Variants in CHD1 observed in about 807,000 individuals in gnomAD.
The protein encoded by CHD1 is chromodomain helicase DNA binding protein 1.
CHD1 carries 36 observed loss-of-function variants against 224.2 expected under a neutral mutation model. The ratio of observed to expected loss-of-function variants is 0.16; its 90% confidence interval spans 0.12 to 0.21. CHD1 has a LOEUF of 0.21. Ranked by LOEUF, CHD1 falls within the 10% of genes least tolerant of loss-of-function variation. The pLI, the probability that CHD1 is intolerant of heterozygous loss-of-function variation, is 1.00. For synonymous variants in CHD1, 668 were observed against 658.3 expected (o/e 1.01, Z -0.23); for missense variants, 1,378 against 1,994.8 (o/e 0.69, Z 5.89).
At chr5:98,877,673 CTT>C (rs1264784089) in intron 23 of CHD1, among the ~76,000 whole-genome samples, 1 of 151,904 alleles carries the variant, frequency 6.6e-6, no homozygotes, top group Non-Finnish European at 1.5e-5. Context: ...GTATTTAGAC[CTT>C]TTTTTTCTAA....
Position 98,856,637 on chromosome 5 carries a change from T to C in CHD1, c.4876A>G (p.Arg1626Gly). 6.2e-7 allele frequency: 1 copy of C among 1,613,794 alleles called. No homozygotes were observed. The highest frequency in any genetic ancestry group is 8.5e-7 in the Non-Finnish European group (1 of 1,179,744). Residue 1626 changes from arginine to glycine, a missense_variant, in exon 36 of 36, where the codon AGA becomes GGA. Arg to Gly is a moderately radical substitution (Grantham distance 125, BLOSUM62 -2). This residue lies in a region of CHD1 where 278 missense variants were observed against 298.5 expected (regional missense o/e 0.93). Coordinates refer to ENST00000614616, the MANE Select transcript of CHD1 (RefSeq NM_001270.4). ...TGAGAACGATGATCAGAATGAGATC[T>C]ATCTTTTAAACTTCCTTCCAAATTT... ...RSNLEGSLKD[R>G]SHSDHRSHSD...
At chr5:98,911,579 G>A (rs889352626) in intron 2 of CHD1, among the ~76,000 whole-genome samples, 3 of 152,046 alleles carry the variant, frequency 2.0e-5, no homozygotes, top group African/African-American at 7.2e-5. Flanking sequence ...TGGAGAAACC[G>A]GACACCATGT....
In CHD1 at chr5:98,855,047, T is replaced by C. The variant is rs1333671009; in HGVS notation, c.*1333A>G. 6.6e-6 allele frequency: 1 copy of C among 152,234 alleles called. No individual in the cohort carries two copies. Among genetic ancestry groups the C allele is most frequent in the Non-Finnish European group, 1.5e-5 (1 of 68,078 alleles). 9.4% of individuals were successfully genotyped at this position (152,234 alleles called of 1,614,324 possible). A position where few individuals can be genotyped will look rare whatever the true frequency, so the allele number is the denominator to read the frequency against. On this transcript the variant is annotated 3_prime_UTR_variant, in exon 36 of 36. Coordinates refer to ENST00000614616, the MANE Select transcript of CHD1 (RefSeq NM_001270.4). ...ATATTCATAGTCTCCAAAACAGATT[T>C]AGTTGTAATGCTACACATTACAAAT... is the stretch of plus-strand genomic sequence containing the variant.
intron 22 of CHD1, among the ~76,000 whole-genome samples, 170 bp from the exon 23 acceptor site, chr5:98,879,898 G>A (rs1736705915): frequency 6.6e-6 from 1 of 152,094 alleles, no homozygotes; most frequent in African/African-American, 2.4e-5. Context: ...GGGCAAAGCA[G>A]ATCAAACCAA....
chr5:98,896,739 G>A (rs1170834682), intron 11 of CHD1, among the ~76,000 whole-genome samples: 2 of 151,250 alleles, frequency 1.3e-5, no homozygotes, highest in African/African-American at 4.9e-5. Context: ...TCTACTAGTA[G>A]TAGAGTCCAG....
Position 98,881,914 on chromosome 5 carries a change from A to C in CHD1, c.2867+61T>G, listed in dbSNP as rs950988911. On this transcript the variant is annotated intron_variant, in intron 20 of 35. Transcript: ENST00000614616. ...CCTCAATGATCTACAGTGATGTAAC[A>C]TATCAAAAATATGAGTTTACTGACT... 51 of 1,394,802 alleles carry C rather than the reference A, an allele frequency of 3.7e-5. 1 individual carries two copies. The highest frequency in any genetic ancestry group is 3.7e-5 in the Non-Finnish European group (37 of 994,852). The allele number at this position is 1,394,802 out of a possible 1,614,324, so 86.4% of individuals were successfully genotyped here.
chr5:98,865,206 C>T (rs1420041524), intron 31 of CHD1, among the ~76,000 whole-genome samples: 1 of 152,166 alleles, frequency 6.6e-6, no homozygotes, highest in African/African-American at 2.4e-5. Flanking sequence ...AGTCCTAAAA[C>T]TTGTTTGACA....
At chr5:98,907,290 A>T (rs1321370215) in intron 2 of CHD1, among the ~76,000 whole-genome samples, 1 of 152,218 alleles carries the variant, frequency 6.6e-6, no homozygotes, top group Non-Finnish European at 1.5e-5. Flanking sequence ...TTAGTACGAT[A>T]AAGAATATGC....
At chr5:98,888,452 T>C (rs1163034803) in intron 16 of CHD1, among the ~76,000 whole-genome samples, 4 of 152,244 alleles carry the variant, frequency 2.6e-5, no homozygotes, top group Non-Finnish European at 4.4e-5. Flanking sequence ...ACCTAGGTTT[T>C]GTTATACTAT....
At position 98,868,564 on chromosome 5, in the gene CHD1, G is replaced by A; in HGVS notation, c.4179C>T (p.Ile1393=). The A allele has an allele frequency of 6.2e-7, 1 of 1,612,436 alleles. No individual in the cohort carries two copies. The highest frequency in any genetic ancestry group is 8.5e-7 in the Non-Finnish European group (1 of 1,179,556). ...TGGGAACTGGTTCACCACTTGCCGTGATATGAACTGGAGCATCTGACACTG... is the reference window on the plus strand; with the variant it reads ...TGGGAACTGGTTCACCACTTGCCGTAATATGAACTGGAGCATCTGACACTG... ...KSSVSDAPVH[I]TASGEPVPIS... is the part of the protein sequence containing the mutation. Residue 1393 remains isoleucine, a synonymous_variant, in exon 31 of 36, where the codon ATC becomes ATT. Coordinates refer to ENST00000614616, the MANE Select transcript of CHD1 (RefSeq NM_001270.4).
At position 98,855,664 on chromosome 5, in the gene CHD1, ACT is replaced by A; in HGVS notation, c.*714_*715del. 6.6e-6 allele frequency: 1 copy of A among 151,700 alleles called. No individual in the cohort carries two copies. The highest frequency in any genetic ancestry group is 1.9e-4 in the East Asian group (1 of 5,184). 9.4% of individuals were successfully genotyped at this position (151,700 alleles called of 1,614,324 possible). On this transcript the variant is annotated 3_prime_UTR_variant, in exon 36 of 36. Transcript: ENST00000614616. Reference sequence around the variant, plus strand: ...ACAAATCATTAAAAAGTGTTATTACACTGATTTTTTTTTTTTTAATAAGAAGG... The same window carrying A: ...ACAAATCATTAAAAAGTGTTATTACAGATTTTTTTTTTTTTAATAAGAAGG...
At chr5:98,918,874 T>G (rs1180072322) in intron 2 of CHD1, among the ~76,000 whole-genome samples, 2 of 152,146 alleles carry the variant, frequency 1.3e-5, no homozygotes, top group East Asian at 1.9e-4. Context: ...AGTTAAAGCA[T>G]GCTATGAAAA....
intron 18 of CHD1, 24 bp downstream of exon 18, chr5:98,885,554 A>G: frequency 7.1e-7 from 1 of 1,409,730 alleles, no homozygotes; most frequent in Non-Finnish European, 9.9e-7. Context: ...AATTATTTAT[A>G]ATTTTAAAAG....
chr5:98,898,864 T>C (rs992958406), intron 8 of CHD1, 100 bp from the exon 9 acceptor site: 4 of 707,442 alleles, frequency 5.7e-6, no homozygotes, highest in Middle Eastern at 2.4e-4. Flanking sequence ...ATCTCCCATT[T>C]TGCCACTGTG....
intron 2 of CHD1, among the ~76,000 whole-genome samples, chr5:98,907,195 C>T (rs1054196297): frequency 6.6e-6 from 1 of 152,186 alleles, no homozygotes; most frequent in Non-Finnish European, 1.5e-5. Flanking sequence ...CTATGCTACT[C>T]TAGTTGCACA....
chr5:98,907,495 G>A (rs1209107586), intron 2 of CHD1, among the ~76,000 whole-genome samples: 2 of 151,164 alleles, frequency 1.3e-5, no homozygotes, highest in Non-Finnish European at 2.9e-5. Flanking sequence ...GGCTGAGGCA[G>A]GAGAATCACT....
chr5:98,898,802 T>A, intron 8 of CHD1, 38 bp from the exon 9 acceptor site: 1 of 1,152,920 alleles, frequency 8.7e-7, no homozygotes, highest in Non-Finnish European at 1.3e-6. Flanking sequence ...CTTAAAAATC[T>A]CCCATAAATA....
Position 98,901,046 on chromosome 5 carries a change from T to C in CHD1, c.624A>G (p.Gln208=). The C allele has an allele frequency of 6.2e-7, 1 of 1,605,888 alleles. No individual in the cohort carries two copies. Among genetic ancestry groups the C allele is most frequent in the East Asian group, 2.2e-5 (1 of 44,814 alleles). The stretch of plus-strand genomic sequence containing the variant: ...CAGATGAATCAATCTGTCTCTTTTT[T>C]TGTCCAAGAATCTTCTTTCCATTTT... The part of the protein sequence containing the change: ...KSKNGKKILG[Q]KKRQIDSSEE... Residue 208 remains glutamine, a synonymous_variant, in exon 7 of 36, where the codon CAA becomes CAG. Transcript: ENST00000614616.
intron 25 of CHD1, among the ~76,000 whole-genome samples, chr5:98,874,554 A>G (rs1267984992): frequency 6.6e-6 from 1 of 150,642 alleles, no homozygotes; most frequent in African/African-American, 2.4e-5. Context: ...AAAAAAAAAA[A>G]AAAAAAAATT....
Sources: allele counts gnomAD v4.1 joint callset (sites outside exome capture counted in the v4.1 genomes callset), GRCh38; gene constraint gnomAD v4.1.1; regional missense constraint gnomAD v4.1.1; transcripts MANE v1.5; gene names NCBI Gene and HGNC (gene_info 2026-07-23, HGNC 2026-07-21).